Variants in SMC1B observed in about 807,000 individuals in gnomAD.
SMC1B encodes the protein structural maintenance of chromosomes protein 1B.
In SMC1B, 60 loss-of-function variants were observed where a neutral mutation model predicts 157.9. That is an observed-to-expected ratio of 0.38 (90% CI 0.31 to 0.47). SMC1B has a LOEUF of 0.47. Ranked by LOEUF, SMC1B falls within the 20% of genes least tolerant of loss-of-function variation. The pLI, the probability that SMC1B is intolerant of heterozygous loss-of-function variation, is 0.99. For missense variants in SMC1B, 1,165 were observed against 1,426.2 expected, an observed-to-expected ratio of 0.82 and a Z score of 2.95; for synonymous variants, 445 against 483.0, an observed-to-expected ratio of 0.92 and a Z score of 1.03.
At chr22:45,350,678 CTG>C (rs2086606069) in intron 22 of SMC1B, among the ~76,000 whole-genome samples, 1 of 152,182 alleles carries the variant, frequency 6.6e-6, no homozygotes, top group African/African-American at 2.4e-5. Context: ...AACTTCTCCC[CTG>C]CCCTCCAAAC....
At chr22:45,379,579 C>A (rs941304005) in intron 12 of SMC1B, among the ~76,000 whole-genome samples, 2 of 152,148 alleles carry the variant, frequency 1.3e-5, no homozygotes, top group Non-Finnish European at 1.5e-5. Context: ...CCTCTCCTCA[C>A]AGATGAGACT....
At chr22:45,406,427 A>G in intron 4 of SMC1B, 33 bp downstream of exon 4, 1 of 1,568,330 alleles carries the variant, frequency 6.4e-7, no homozygotes, top group Non-Finnish European at 8.7e-7. Context: ...TTTATATCCA[A>G]CAACTAATGG....
intron 23 of SMC1B, among the ~76,000 whole-genome samples, chr22:45,347,938 T>C (rs1410997230): frequency 1.3e-5 from 2 of 152,182 alleles, no homozygotes; most frequent in Non-Finnish European, 2.9e-5. Flanking sequence ...AGCAGAACCA[T>C]GGTACTGGGA....
rs368198675 is a variant in SMC1B, at chr22:45,362,867, C to T, written c.2562+18G>A. The T allele has an allele frequency of 3.8e-6, 6 of 1,579,752 alleles. No individual in the cohort carries two copies. Among genetic ancestry groups the T allele is most frequent in the Non-Finnish European group, 4.3e-6 (5 of 1,162,634 alleles). On this transcript the variant is annotated intron_variant, in intron 16 of 24. Transcript: ENST00000357450. ...TAATTTCAATGAAGAGGCACTTCAG[C>T]TACCCATTATTAATTACCTTCTTTA... is the stretch of plus-strand genomic sequence containing the variant.
intron 11 of SMC1B, among the ~76,000 whole-genome samples, chr22:45,386,035 C>T (rs1224472167): frequency 6.6e-6 from 1 of 151,912 alleles, no homozygotes; most frequent in Non-Finnish European, 1.5e-5. Flanking sequence ...TTGCCAGGCA[C>T]TATAATAGCA....
chr22:45,372,716 C>CTTTTTTTT (rs136574), intron 12 of SMC1B, among the ~76,000 whole-genome samples: 57 of 123,572 alleles, frequency 4.6e-4, no homozygotes, highest in African/African-American at 1.1e-3. Flanking sequence ...GACTCCAGGT[C>CTTTTTTTT]TTTTTTTTTT....
In SMC1B at chr22:45,407,086, C is replaced by T. The variant is rs142764756; in HGVS notation, c.299-221G>A. Among the ~76,000 whole-genome samples the T allele has an allele frequency of 5.7e-3, 867 of 152,262 alleles. 4 individuals carry two copies. Among genetic ancestry groups the T allele is most frequent in the African/African-American group, 0.02 (834 of 41,548 alleles). ...AACAAAACACATGAAAGTCTCTTATCTGAAGAGCATATATCCTAGTCAGGA... is the reference window on the plus strand; with the variant it reads ...AACAAAACACATGAAAGTCTCTTATTTGAAGAGCATATATCCTAGTCAGGA... On this transcript the variant is annotated intron_variant, in intron 2 of 24. Transcript: ENST00000357450.
chr22:45,363,429 C>A (rs2086740689), intron 15 of SMC1B, among the ~76,000 whole-genome samples: 1 of 152,146 alleles, frequency 6.6e-6, no homozygotes, highest in Admixed American at 6.5e-5. Context: ...TGCCTGTAAT[C>A]CCGGCACTTT....
At position 45,406,533 on chromosome 22, in the gene SMC1B, T is replaced by C; in HGVS notation, c.542A>G (p.Asp181Gly). Residue 181 changes from aspartate to glycine, a missense_variant, in exon 4 of 25, where the codon GAT becomes GGT. Coordinates refer to ENST00000357450, the MANE Select transcript of SMC1B (RefSeq NM_148674.5). ...TTTCTTATTAAAGTTAAACTGTGCA[T>C]CCTCTTCGGCTTTTTGTAACTTTCT... ...KKRKLQKAEE[D>G]AQFNFNKKKN... 1 of 1,613,316 alleles carries C rather than the reference T, an allele frequency of 6.2e-7. No individual in the cohort carries two copies. The highest frequency in any genetic ancestry group is 8.5e-7 in the Non-Finnish European group (1 of 1,179,926).
At position 45,361,918 on chromosome 22, in the gene SMC1B, G is replaced by A. The variant is rs375733602; in HGVS notation, c.2629C>T (p.Arg877Cys). The change falls in exon 17 of 25, where the codon CGT becomes TGT. Residue 877 changes from arginine to cysteine, a missense_variant. Physicochemically the swap from Arg to Cys is radical, Grantham distance 180. Coordinates refer to ENST00000357450, the MANE Select transcript of SMC1B (RefSeq NM_148674.5). ...TCGGCACTGGAGTTCTGAGTGACAC[G>A]TATGTCCTTAAGTTGCTGCTGCTTT... ...MAKQQQLKDI[R>C]VTQNSSAEKV... The A allele has an allele frequency of 3.1e-5, 50 of 1,613,916 alleles. No individual in the cohort carries two copies. Among genetic ancestry groups the A allele is most frequent in the Middle Eastern group, 1.6e-4 (1 of 6,084 alleles).
chr22:45,413,449 G>C lies in SMC1B; in HGVS notation c.109+10C>G. ...AGGCGCTCCGGTGGCGCCCTGAGCT[G>C]CTCAGTTACCAGAGCCGTTGGGGCC... On this transcript the variant is annotated intron_variant, in intron 1 of 24. Coordinates refer to ENST00000357450, the MANE Select transcript of SMC1B (RefSeq NM_148674.5). The C allele has an allele frequency of 6.3e-7, 1 of 1,597,254 alleles. No individual in the cohort carries two copies. The highest frequency in any genetic ancestry group is 8.5e-7 in the Non-Finnish European group (1 of 1,170,690).
At chr22:45,396,631 C>T in intron 6 of SMC1B, 145 bp from the exon 7 acceptor site, 1 of 480,756 alleles carries the variant, frequency 2.1e-6, no homozygotes, top group East Asian at 3.6e-5. Flanking sequence ...CCACCTTCCC[C>T]CGGTAAAATA....
At chr22:45,392,661 G>A (rs2087073827) in intron 9 of SMC1B, among the ~76,000 whole-genome samples, 2 of 152,060 alleles carry the variant, frequency 1.3e-5, no homozygotes, top group Non-Finnish European at 2.9e-5. Flanking sequence ...AGAGACATAG[G>A]AGGAAAACCA....
Position 45,396,383 on chromosome 22 carries a change from C to T in SMC1B, c.1217G>A (p.Arg406Lys). The change falls in exon 7 of 25, where the codon AGA becomes AAA. Residue 406 changes from arginine to lysine, a missense_variant. Transcript: ENST00000357450. ...ATGCCTCCTCTTTTCAAATGCCAGT[C>T]TTTCTTCATCTGTCTTCTGTTCCCA... ...LQWEQKTDEE[R>K]LAFEKRRHGE... 6.2e-7 allele frequency: 1 copy of T among 1,613,136 alleles called. No individual in the cohort carries two copies. The highest frequency in any genetic ancestry group is 8.5e-7 in the Non-Finnish European group (1 of 1,179,576).
intron 8 of SMC1B, 51 bp downstream of exon 8, chr22:45,394,634 C>A: frequency 6.9e-7 from 1 of 1,458,870 alleles, no homozygotes; most frequent in South Asian, 1.3e-5. Context: ...GAGACCCTCT[C>A]TCAAAAAATA....
chr22:45,362,768 A>T, intron 16 of SMC1B, 117 bp downstream of exon 16: 2 of 817,598 alleles, frequency 2.4e-6, no homozygotes, highest in African/African-American at 1.8e-5. Flanking sequence ...AGTATTTCTT[A>T]AATCTGTCCC....
chr22:45,372,084 T>C (rs1464230624), intron 13 of SMC1B, 71 bp downstream of exon 13: 3 of 1,318,640 alleles, frequency 2.3e-6, no homozygotes, highest in African/African-American at 3.0e-5. Flanking sequence ...CATGGAGCTA[T>C]ATAAATGTAA....
intron 16 of SMC1B, among the ~76,000 whole-genome samples, chr22:45,362,565 C>G (rs2086732052): frequency 6.6e-6 from 1 of 152,178 alleles, no homozygotes; most frequent in Non-Finnish European, 1.5e-5. Context: ...TGTTTAACAG[C>G]CTGCTGGAAA....
intron 16 of SMC1B, 59 bp downstream of exon 16, chr22:45,362,826 C>T: frequency 2.8e-6 from 4 of 1,437,340 alleles, no homozygotes; most frequent in Non-Finnish European, 3.9e-6. Context: ...AAAGGTTTAC[C>T]ACATGAAGGA....
Sources: allele counts gnomAD v4.1 joint callset (sites outside exome capture counted in the v4.1 genomes callset), GRCh38; gene constraint gnomAD v4.1.1; transcripts MANE v1.5; gene names NCBI Gene and HGNC (gene_info 2026-07-23, HGNC 2026-07-21).